The following PLEKHM1 variants were observed in gnomAD, a reference collection of about 807,000 sequenced individuals.
PLEKHM1 encodes the protein pleckstrin homology and RUN domain containing M1.
PLEKHM1 carries 28 observed loss-of-function variants against 94.3 expected under a neutral mutation model. The observed-to-expected ratio is 0.30, with a 90% CI of 0.22 to 0.41. PLEKHM1 has a LOEUF of 0.41. Ranked by LOEUF, PLEKHM1 falls within the 10% of genes least tolerant of loss-of-function variation. The pLI, the probability that PLEKHM1 is intolerant of heterozygous loss-of-function variation, is 1.00. For missense variants in PLEKHM1, 907 were observed against 1,358.6 expected, an observed-to-expected ratio of 0.67 and a Z score of 5.22; for synonymous variants, 424 against 581.2, an observed-to-expected ratio of 0.73 and a Z score of 3.89.
rs940725223 is a variant in PLEKHM1, at chr17:45,473,621, C to G, written c.923+1479G>C. On this transcript the variant is annotated intron_variant, in intron 4 of 11. Coordinates refer to ENST00000430334, the MANE Select transcript of PLEKHM1 (RefSeq NM_014798.3). ...TCACCCAGGCTGGAGTGCAGTGGCA[C>G]GATCTCGGCTCACTGCAAGCTCCGC... is the stretch of plus-strand genomic sequence containing the variant. Among the ~76,000 whole-genome samples the G allele has an allele frequency of 3.3e-5, 5 of 151,610 alleles. No homozygotes were observed. The South Asian group carries it at 6.2e-4, about 19-fold the overall frequency.
rs780394793 is a variant in PLEKHM1 at position 45,453,709 on chromosome 17, T to C, written c.2143A>G (p.Ile715Val). 4.3e-6 allele frequency: 7 copies of C among 1,613,868 alleles called. No homozygotes were observed. Among genetic ancestry groups the C allele is most frequent in the African/African-American group, 1.3e-5 (1 of 75,012 alleles). ...LSLEALKCFR[I>V]RNNEKMLSDS... ...CTCAGCATCTTCTCATTGTTCCTGA[T>C]GCGGAAACATTTCAGAGCCTCCAAG... The change falls in exon 7 of 12, where the codon ATC (isoleucine) becomes GTC (valine). Residue 715 changes from isoleucine to valine, a missense_variant. Ile to Val is a conservative substitution (Grantham distance 29). Around this residue, in one of 3 missense-constraint regions of PLEKHM1, gnomAD observed 477 missense variants for 601.5 expected, o/e 0.79. Coordinates refer to ENST00000430334, the MANE Select transcript of PLEKHM1 (RefSeq NM_014798.3). This position sits in a 1 kb window ranked among gnomAD's most constrained non-coding sequence, Gnocchi z 4.1.
rs749409363 is a variant in PLEKHM1 at position 45,475,540 on chromosome 17, G to A, written c.483C>T (p.Gly161=). The A allele has an allele frequency of 1.9e-6, 3 of 1,611,826 alleles. No individual in the cohort carries two copies. Among genetic ancestry groups the A allele is most frequent in the Non-Finnish European group, 2.5e-6 (3 of 1,178,028 alleles). The part of the protein sequence containing the change: ...PTALLRDAEE[G]EFLLSFLQGL... Reference sequence around the variant, plus strand: ...CCTGCAGGAAGCTAAGGAGGAACTCGCCCTCCTCAGCATCCCGGAGCAGGG... The same window carrying A: ...CCTGCAGGAAGCTAAGGAGGAACTCACCCTCCTCAGCATCCCGGAGCAGGG... The change falls in exon 4 of 12, where the codon GGC becomes GGT. Residue 161 remains glycine, a synonymous_variant. Transcript: ENST00000430334.
intron 10 of PLEKHM1, chr17:45,439,906 G>A: frequency 1.6e-6 from 1 of 637,826 alleles, no homozygotes; most frequent in Non-Finnish European, 2.8e-6. Flanking sequence ...CTCCCCTTGG[G>A]GAAAGGAGTA....
intron 1 of PLEKHM1, 98 bp from the exon 2 acceptor site, chr17:45,482,623 A>G: frequency 1.4e-6 from 1 of 725,918 alleles, no homozygotes; most frequent in East Asian, 2.7e-5. Context: ...TCTCTTACTC[A>G]AACTGCAACC....
Position 45,475,131 on chromosome 17 carries a change from T to C in PLEKHM1, c.892A>G (p.Asn298Asp). Reference protein sequence around the residue: ...MSCDSDLGTANAEDSDRSLQE... With the variant: ...MSCDSDLGTADAEDSDRSLQE... Reference sequence around the variant, plus strand: ...AGAGACCGGTCTGAGTCCTCAGCATTTGCTGTGCCCAGGTCTGAGTCACAG... The same window carrying C: ...AGAGACCGGTCTGAGTCCTCAGCATCTGCTGTGCCCAGGTCTGAGTCACAG... The change falls in exon 4 of 12, where the codon AAT becomes GAT. Residue 298 changes from asparagine to aspartate, a missense_variant. Asn to Asp is a conservative substitution (Grantham distance 23). Transcript: ENST00000430334. 6.2e-7 allele frequency: 1 copy of C among 1,613,950 alleles called. No individual in the cohort carries two copies. Among genetic ancestry groups the C allele is most frequent in the South Asian group, 1.1e-5 (1 of 91,082 alleles).
rs4792861 is a variant in PLEKHM1 at position 45,482,919 on chromosome 17, A to G, written c.-41-394T>C. 2.9e-4 allele frequency among the ~76,000 whole-genome samples: 44 copies of G among 151,038 alleles called. 1 individual carries two copies. The South Asian group carries it at 8.6e-3, about 29-fold the overall frequency. ...TGCAGCTGAAGGTGGCAGGAACCCA[A>G]TGGGACCAGGAAGCAGGGGCTCACA... On this transcript the variant is annotated intron_variant, in intron 1 of 11. Transcript: ENST00000430334.
downstream of PLEKHM1, chr17:45,434,283 C>T (rs967643317): frequency 6.6e-6 from 1 of 152,186 alleles, no homozygotes; most frequent in African/African-American, 2.4e-5. Flanking sequence ...TATGATGCCC[C>T]ACTCTGCTGC....
intron 5 of PLEKHM1, among the ~76,000 whole-genome samples, chr17:45,467,866 A>T (rs1345290071): frequency 1.3e-5 from 2 of 152,262 alleles, no homozygotes; most frequent in African/African-American, 4.8e-5. Context: ...CCAAGGCCTT[A>T]TGCTGGTGAG....
At chr17:45,470,654 T>C (rs983008809) in intron 4 of PLEKHM1, among the ~76,000 whole-genome samples, 36 of 149,330 alleles carry the variant, frequency 2.4e-4, no homozygotes, top group Non-Finnish European at 3.9e-4. Context: ...AAAACGTTTG[T>C]GTGGTTTTTT....
At chr17:45,481,908 G>T (rs71373589) in intron 2 of PLEKHM1, among the ~76,000 whole-genome samples, 2 of 152,116 alleles carry the variant, frequency 1.3e-5, no homozygotes, top group Non-Finnish European at 2.9e-5. Flanking sequence ...CTGACTTCCT[G>T]CCTCTCCAAG....
chr17:45,469,272 T>G (rs1302408694), intron 4 of PLEKHM1, among the ~76,000 whole-genome samples: 2 of 152,124 alleles, frequency 1.3e-5, no homozygotes, highest in Non-Finnish European at 2.9e-5. Flanking sequence ...CTCTCTATGG[T>G]GGGACTGCCA....
intron 3 of PLEKHM1, among the ~76,000 whole-genome samples, chr17:45,476,465 G>A (rs1035318246): frequency 2.6e-5 from 4 of 151,986 alleles, no homozygotes; most frequent in Admixed American, 6.6e-5. Context: ...AGCATGTGGC[G>A]GAAAAGTGGG....
In PLEKHM1 at chr17:45,453,510, T is replaced by C; in HGVS notation, c.2342A>G (p.Glu781Gly). The change falls in exon 7 of 12, where the codon GAG (glutamate) becomes GGG (glycine). Residue 781 changes from glutamate (E) to glycine (G), a missense_variant. Around this residue, in one of 3 missense-constraint regions of PLEKHM1, gnomAD observed 254 missense variants for 451.1 expected, o/e 0.56. Coordinates refer to ENST00000430334, the MANE Select transcript of PLEKHM1 (RefSeq NM_014798.3). The surrounding 1 kb of genome is among the most constrained non-coding windows in gnomAD (Gnocchi z 4.1). ...CAGGGTCACCGCCTCCTCGGCTGTC[T>C]CCAAGTAGGATGCCAGGACTTTGCG... The part of the protein sequence containing the change: ...LVRKVLASYL[E>G]TAEEAVTLGG... 1 of 1,609,576 alleles carries C rather than the reference T, an allele frequency of 6.2e-7. No individual in the cohort carries two copies. Among genetic ancestry groups the C allele is most frequent in the Non-Finnish European group, 8.5e-7 (1 of 1,177,802 alleles).
At chr17:45,450,356 T>C (rs956867268) in intron 8 of PLEKHM1, among the ~76,000 whole-genome samples, 1 of 152,236 alleles carries the variant, frequency 6.6e-6, no homozygotes, top group African/African-American at 2.4e-5. Context: ...TAAGCAGTTA[T>C]GTTTGTAGCT....
rs936989793 is a variant in PLEKHM1 at position 45,483,119 on chromosome 17, C to T, written c.-41-594G>A. Among the ~76,000 whole-genome samples, 177 of 152,012 alleles carry T rather than the reference C, an allele frequency of 1.2e-3. 3 individuals are homozygous for T. Among genetic ancestry groups the T allele is most frequent in the Non-Finnish European group, 8.8e-4 (60 of 67,988 alleles). On this transcript the variant is annotated intron_variant, in intron 1 of 11. Coordinates refer to ENST00000430334, the MANE Select transcript of PLEKHM1 (RefSeq NM_014798.3). The stretch of plus-strand genomic sequence containing the variant: ...CCTCATTTGGGCTTCGAGGGTCTGG[C>T]TTGAGCAGCACAGACAGGGACGTGT...
intron 1 of PLEKHM1, among the ~76,000 whole-genome samples, 161 bp from the exon 2 acceptor site, chr17:45,482,686 A>G (rs969790306): frequency 9.9e-5 from 15 of 152,114 alleles, no homozygotes; most frequent in African/African-American, 3.1e-4. Context: ...ATTTGAAGGA[A>G]AGAAACAAGG....
rs1266816211 is a variant in PLEKHM1, at chr17:45,464,752, AG to A, written c.1308+3456del. On this transcript the variant is annotated intron_variant, in intron 5 of 11. Coordinates refer to ENST00000430334, the MANE Select transcript of PLEKHM1 (RefSeq NM_014798.3). ...TCCCCTGTAGCTGGCACAGAGGCAG[AG>A]CCTGCCATGATCACACCAACCTGAC... Among the ~76,000 whole-genome samples, 3 of 152,208 alleles carry A rather than the reference AG, an allele frequency of 2.0e-5. No individual in the cohort carries two copies. In the East Asian group the frequency reaches 5.8e-4, roughly 29 times the overall value.
intron 5 of PLEKHM1, among the ~76,000 whole-genome samples, chr17:45,466,087 C>T (rs1597969338): frequency 6.6e-6 from 1 of 152,296 alleles, no homozygotes; most frequent in East Asian, 1.9e-4. Flanking sequence ...AGCAAATCTT[C>T]AGGATGTACT....
chr17:45,486,235 T>A (rs369687584), intron 1 of PLEKHM1, among the ~76,000 whole-genome samples: 14,675 of 135,980 alleles, frequency 0.11, 1,228 homozygotes, highest in Non-Finnish European at 0.15. Context: ...AAAGATAAAA[T>A]AAAAAAATAA....
Sources: allele counts gnomAD v4.1 joint callset (sites outside exome capture counted in the v4.1 genomes callset), GRCh38; gene constraint gnomAD v4.1.1; regional missense constraint gnomAD v4.1.1; non-coding constraint Gnocchi (gnomAD v3.1); transcripts MANE v1.5; gene names NCBI Gene and HGNC (gene_info 2026-07-23, HGNC 2026-07-21).